The following PTPRT variants were observed in gnomAD, a reference collection of about 807,000 sequenced individuals.
PTPRT encodes receptor-type tyrosine-protein phosphatase T.
In PTPRT, 56 loss-of-function variants were observed where a neutral mutation model predicts 176.8. The observed-to-expected ratio is 0.32, with a 90% CI of 0.26 to 0.40. The LOEUF is 0.40. Among genes scored for constraint, PTPRT ranks in the 10% least tolerant of loss-of-function variants. PTPRT has a pLI of 1.00. For missense variants in PTPRT, 1,540 were observed against 1,908.2 expected (o/e 0.81, Z 3.60); for synonymous variants, 783 against 739.0 (o/e 1.06, Z -0.96).
intron 15 of PTPRT, among the ~76,000 whole-genome samples, chr20:42,209,982 G>A (rs1303599054): frequency 6.6e-6 from 1 of 152,142 alleles, no homozygotes; most frequent in Non-Finnish European, 1.5e-5. Context: ...GGGATGCAAG[G>A]CTGGTTCAAT....
At chr20:42,448,475 C>T in intron 8 of PTPRT, 146 bp from the exon 9 acceptor site, 1 of 632,502 alleles carries the variant, frequency 1.6e-6, no homozygotes, top group Non-Finnish European at 2.8e-6. Flanking sequence ...TTCTCTGTTA[C>T]AACTACTCAA....
intron 16 of PTPRT, among the ~76,000 whole-genome samples, chr20:42,194,580 A>G (rs1426500696): frequency 6.6e-6 from 1 of 152,152 alleles, no homozygotes; most frequent in African/African-American, 2.4e-5. Context: ...AGAGATAAAG[A>G]AGAAGATTTA....
In PTPRT at chr20:42,713,154, CAT is replaced by C. The variant is rs1245269152; in HGVS notation, c.860-34997_860-34996del. Among the ~76,000 whole-genome samples, 6 of 127,222 alleles carry C rather than the reference CAT, an allele frequency of 4.7e-5. No individual in the cohort carries two copies. The East Asian group carries it at 9.0e-4, about 19-fold the overall frequency. The allele number at this position is 127,222 out of a possible 152,430, so 83.5% of individuals were successfully genotyped here. A position where few individuals can be genotyped will look rare whatever the true frequency, so the allele number is the denominator to read the frequency against. ...ATACACATACACACGTACACGCACA[CAT>C]ACACACACACACACACACACACACA... On this transcript the variant is annotated intron_variant, in intron 6 of 30. Coordinates refer to ENST00000373187, the MANE Select transcript of PTPRT (RefSeq NM_007050.6).
At chr20:42,402,674 A>G (rs984284152) in intron 9 of PTPRT, among the ~76,000 whole-genome samples, 2 of 152,078 alleles carry the variant, frequency 1.3e-5, no homozygotes, top group Non-Finnish European at 2.9e-5. Flanking sequence ...CTGGCTTCCA[A>G]CAAAGAAAAA....
At chr20:42,942,161 G>A (rs777053023) in intron 1 of PTPRT, among the ~76,000 whole-genome samples, 1 of 152,110 alleles carries the variant, frequency 6.6e-6, no homozygotes, top group African/African-American at 2.4e-5. Flanking sequence ...ATAGAAACCC[G>A]ATTCCCAAAA....
chr20:42,880,493 A>G (rs1209834171), intron 2 of PTPRT, among the ~76,000 whole-genome samples: 1 of 152,138 alleles, frequency 6.6e-6, no homozygotes, highest in African/African-American at 2.4e-5. Flanking sequence ...AAGCCCCACT[A>G]CCTCTGGCTT....
intron 1 of PTPRT, among the ~76,000 whole-genome samples, chr20:43,031,102 G>A (rs1320514226): frequency 6.6e-6 from 1 of 152,184 alleles, no homozygotes; most frequent in Admixed American, 6.5e-5. Context: ...TGAGGCAAGA[G>A]TATCAGACCC....
chr20:42,243,072 G>A (rs2056385511), intron 14 of PTPRT, among the ~76,000 whole-genome samples: 1 of 150,618 alleles, frequency 6.6e-6, no homozygotes, highest in Non-Finnish European at 1.5e-5. Context: ...GGAGGGAGGG[G>A]GAGAAAGAGA....
At chr20:42,084,573 G>A (rs934881824) in intron 29 of PTPRT, 109 bp downstream of exon 29, 2 of 979,430 alleles carry the variant, frequency 2.0e-6, no homozygotes, top group African/African-American at 3.4e-5. Context: ...ATGTTGAGTT[G>A]TGGTATAGCC....
chr20:42,198,281 G>C (rs181265434), intron 16 of PTPRT, among the ~76,000 whole-genome samples: 6 of 152,320 alleles, frequency 3.9e-5, no homozygotes, highest in Non-Finnish European at 7.4e-5. Flanking sequence ...GAGGATGAGA[G>C]ACAGTGTCTA....
At chr20:42,680,277 G>T (rs942907792) in intron 6 of PTPRT, among the ~76,000 whole-genome samples, 2 of 152,306 alleles carry the variant, frequency 1.3e-5, no homozygotes, top group Middle Eastern at 3.4e-3. Context: ...ACTCCAGATT[G>T]CCTCTATTAT....
At chr20:43,054,505 G>T (rs149619728) in intron 1 of PTPRT, among the ~76,000 whole-genome samples, 1 of 148,964 alleles carries the variant, frequency 6.7e-6, no homozygotes, top group Admixed American at 6.7e-5. Context: ...AGTGGGCCAA[G>T]ATTGTACCAC....
the PTPRT span, among the ~76,000 whole-genome samples, chr20:42,048,810 T>C: frequency 1.3e-5 from 2 of 151,364 alleles, no homozygotes; most frequent in East Asian, 3.9e-4. Flanking sequence ...TACTACTAAG[T>C]TTTTTTTGTT....
rs1982717258 is a variant in PTPRT at position 42,075,845 on chromosome 20, A to G, written c.*5034T>C. The G allele has an allele frequency of 4.9e-6, 1 of 204,572 alleles. No homozygotes were observed. Among genetic ancestry groups the G allele is most frequent in the South Asian group, 1.9e-4 (1 of 5,272 alleles). 12.7% of individuals were successfully genotyped at this position (204,572 alleles called of 1,614,324 possible). A position where few individuals can be genotyped will look rare whatever the true frequency, so the allele number is the denominator to read the frequency against. ...ATGATGGGTCAGAGGGAAATGCATCATCTTTTGCCCCAGACACTGAGATTT... is the reference window on the plus strand; with the variant it reads ...ATGATGGGTCAGAGGGAAATGCATCGTCTTTTGCCCCAGACACTGAGATTT... On this transcript the variant is annotated 3_prime_UTR_variant, in exon 31 of 31. Coordinates refer to ENST00000373187, the MANE Select transcript of PTPRT (RefSeq NM_007050.6).
chr20:43,019,643 T>C (rs1985558233), intron 1 of PTPRT, among the ~76,000 whole-genome samples: 1 of 147,278 alleles, frequency 6.8e-6, no homozygotes, highest in African/African-American at 2.5e-5. Flanking sequence ...AAAAGAATAA[T>C]TGGACTGCCC....
At chr20:42,527,323 C>T (rs376582133) in intron 7 of PTPRT, among the ~76,000 whole-genome samples, 12 of 151,990 alleles carry the variant, frequency 7.9e-5, no homozygotes, top group African/African-American at 2.9e-4. Flanking sequence ...CAAACTGTAC[C>T]CAGGAATTGT....
intron 6 of PTPRT, among the ~76,000 whole-genome samples, chr20:42,703,953 A>G (rs2076012611): frequency 6.6e-6 from 1 of 152,112 alleles, no homozygotes; most frequent in Non-Finnish European, 1.5e-5. Context: ...CCCCTATTGG[A>G]CCTAAACAAT....
chr20:42,553,742 G>C (rs1378665510), intron 7 of PTPRT, among the ~76,000 whole-genome samples: 1 of 152,050 alleles, frequency 6.6e-6, no homozygotes, highest in Non-Finnish European at 1.5e-5. Flanking sequence ...GTCCAGATTA[G>C]AGTTTATCCA....
intron 9 of PTPRT, among the ~76,000 whole-genome samples, chr20:42,417,887 G>A (rs1418748332): frequency 1.3e-5 from 2 of 151,910 alleles, no homozygotes; most frequent in Non-Finnish European, 2.9e-5. Context: ...ACAGGCATGA[G>A]CCACTGCACC....
Sources: gnomAD v4.1 joint callset for allele counts (sites outside exome capture counted in the v4.1 genomes callset) on GRCh38, gnomAD v4.1.1 for gene constraint, MANE v1.5 for transcripts, NCBI Gene and HGNC (gene_info 2026-07-23, HGNC 2026-07-21) for gene names.